Variants in LPCAT3 observed in about 807,000 individuals in gnomAD.
The protein encoded by LPCAT3 is lysophosphatidylcholine acyltransferase 3.
In LPCAT3, 21 loss-of-function variants were observed where a neutral mutation model predicts 63.4. That is an observed-to-expected ratio of 0.33 (90% CI 0.23 to 0.48). The LOEUF (loss-of-function observed/expected upper bound fraction) is 0.48. LPCAT3 is among the 20% of genes least tolerant of loss of function. The pLI, the probability that LPCAT3 is intolerant of heterozygous loss-of-function variation, is 0.99. For synonymous variants in LPCAT3, 242 were observed against 227.5 expected (o/e 1.06, Z -0.58); for missense variants, 451 against 590.6 (o/e 0.76, Z 2.45).
intron 1 of LPCAT3, among the ~76,000 whole-genome samples, chr12:7,010,838 T>A (rs1339473845): frequency 1.3e-5 from 2 of 151,862 alleles, no homozygotes; most frequent in Admixed American, 6.6e-5. Context: ...TTGGAAAAAA[T>A]ATATATATTT....
At chr12:7,014,892 C>CAAAAA (rs375839002) in intron 1 of LPCAT3, among the ~76,000 whole-genome samples, 1 of 57,616 alleles carries the variant, frequency 1.7e-5, no homozygotes, top group African/African-American at 5.9e-5. Flanking sequence ...GACTCCGTCT[C>CAAAAA]AAAAAAAAAA....
chr12:6,985,265 G>T (rs894164356), intron 1 of LPCAT3, among the ~76,000 whole-genome samples: 3 of 151,922 alleles, frequency 2.0e-5, no homozygotes, highest in African/African-American at 7.3e-5. Context: ...GTGTGGTGGC[G>T]GGCGCCTATA....
intron 4 of LPCAT3, 64 bp from the exon 5 acceptor site, chr12:6,981,696 A>G: frequency 1.9e-6 from 2 of 1,062,798 alleles, no homozygotes; most frequent in Admixed American, 3.7e-5. Context: ...TGGCCTGTAG[A>G]CTGAGTGCAG....
chr12:6,982,004 T>C, intron 3 of LPCAT3, 100 bp from the exon 4 acceptor site: 1 of 702,776 alleles, frequency 1.4e-6, no homozygotes, highest in Non-Finnish European at 2.5e-6. Context: ...CCTCATCCCA[T>C]CATTAAAAGC....
Position 6,976,365 on chromosome 12 carries a change from G to A in LPCAT3, c.*539C>T, listed in dbSNP as rs1372683725. 6.5e-6 allele frequency: 1 copy of A among 153,960 alleles called. No individual in the cohort carries two copies. Among genetic ancestry groups the A allele is most frequent in the Admixed American group, 6.5e-5 (1 of 15,462 alleles). 9.5% of individuals were successfully genotyped at this position (153,960 alleles called of 1,614,324 possible). On this transcript the variant is annotated 3_prime_UTR_variant, in exon 13 of 13. Coordinates refer to ENST00000261407, the MANE Select transcript of LPCAT3 (RefSeq NM_005768.6). ...CAATAGATTCCTGGCTAGATGGGGAGAGATAAGGCAATGTGCATGGGGGAA... is the reference window on the plus strand; with the variant it reads ...CAATAGATTCCTGGCTAGATGGGGAAAGATAAGGCAATGTGCATGGGGGAA...
intron 1 of LPCAT3, among the ~76,000 whole-genome samples, chr12:7,009,350 C>T (rs782220178): frequency 7.9e-5 from 12 of 152,204 alleles, no homozygotes; most frequent in Non-Finnish European, 1.5e-4. Context: ...CGTGAGCCAC[C>T]GCGCCTGGCC....
At position 7,018,241 on chromosome 12, in the gene LPCAT3, G is replaced by A. The variant is rs781801334; in HGVS notation, c.151+33C>T. On this transcript the variant is annotated intron_variant, in intron 1 of 12. Transcript: ENST00000261407. The surrounding 1 kb of genome is among the most constrained non-coding windows in gnomAD (Gnocchi z 4.9). ...TCCTCCCCTACTCCCCGGGGACTCC[G>A]CGAGGGGCGGAGGGAGGCAGGAGGG... 1.3e-6 allele frequency: 2 copies of A among 1,573,634 alleles called. No individual in the cohort carries two copies. The highest frequency in any genetic ancestry group is 3.8e-5 in the Admixed American group (2 of 53,242).
At chr12:7,011,191 A>G (rs1946761565) in intron 1 of LPCAT3, among the ~76,000 whole-genome samples, 1 of 152,004 alleles carries the variant, frequency 6.6e-6, no homozygotes, top group Non-Finnish European at 1.5e-5. Context: ...TATGCCACCC[A>G]GCCCAGTTAA....
chr12:6,986,795 C>CAAA (rs1157395768), intron 1 of LPCAT3, among the ~76,000 whole-genome samples: 18 of 33,900 alleles, frequency 5.3e-4, no homozygotes, highest in African/African-American at 1.2e-3. Context: ...GACTCTGTCT[C>CAAA]AAAAAAAAAA....
intron 1 of LPCAT3, among the ~76,000 whole-genome samples, chr12:6,998,556 A>G (rs1020347350): frequency 3.9e-5 from 6 of 152,244 alleles, no homozygotes; most frequent in Non-Finnish European, 7.3e-5. Flanking sequence ...GACACTGTCT[A>G]CTTAAGTGAT....
chr12:6,983,099 G>C (rs1555154358), intron 2 of LPCAT3: 1 of 510,708 alleles, frequency 2.0e-6, no homozygotes, highest in South Asian at 1.7e-5. Flanking sequence ...GCTTGTTACT[G>C]TATTTTTGAA....
intron 1 of LPCAT3, among the ~76,000 whole-genome samples, chr12:6,985,134 G>T (rs1004014876): frequency 2.6e-4 from 38 of 145,910 alleles, no homozygotes; most frequent in African/African-American, 9.1e-4. Context: ...GCTCATGCCT[G>T]TAATCCCAGC....
chr12:6,976,622 C>G lies in LPCAT3; in HGVS notation c.*282G>C, dbSNP rs1946405106. The G allele has an allele frequency of 6.5e-6, 1 of 153,274 alleles. No homozygotes were observed. The highest frequency in any genetic ancestry group is 1.5e-5 in the Non-Finnish European group (1 of 68,856). 9.5% of individuals were successfully genotyped at this position (153,274 alleles called of 1,614,324 possible). A position where few individuals can be genotyped will look rare whatever the true frequency, so the allele number is the denominator to read the frequency against. On this transcript the variant is annotated 3_prime_UTR_variant, in exon 13 of 13. Transcript: ENST00000261407. ...CCTGTATTCCCAGCTACTTGGGAGGCTGAGGCAGGAAAATCACTTGAACCC... is the reference window on the plus strand; with the variant it reads ...CCTGTATTCCCAGCTACTTGGGAGGGTGAGGCAGGAAAATCACTTGAACCC...
chr12:7,000,233 T>TA (rs1407503825), intron 1 of LPCAT3, among the ~76,000 whole-genome samples: 9 of 151,808 alleles, frequency 5.9e-5, no homozygotes, highest in Admixed American at 5.9e-4. Context: ...TTACATTCGT[T>TA]AAACCTCAAT....
At chr12:6,986,843 G>A (rs911038326) in intron 1 of LPCAT3, among the ~76,000 whole-genome samples, 43 of 151,320 alleles carry the variant, frequency 2.8e-4, no homozygotes, top group African/African-American at 1.0e-3. Flanking sequence ...GGCCGGGTGC[G>A]GCAGCTCACA....
chr12:6,996,225 A>G (rs957724731), intron 1 of LPCAT3, among the ~76,000 whole-genome samples: 1 of 152,202 alleles, frequency 6.6e-6, no homozygotes, highest in Admixed American at 6.5e-5. Flanking sequence ...GTGCCTTCAC[A>G]TGGTAAGTTC....
intron 9 of LPCAT3, chr12:6,978,012 ACT>A (rs1946428485): frequency 3.6e-6 from 2 of 559,882 alleles, no homozygotes; most frequent in African/African-American, 1.9e-5. Flanking sequence ...TGAACCAGAC[ACT>A]CTACTCAAGC....
chr12:6,977,882 G>T lies in LPCAT3; in HGVS notation c.1041-137C>A. 1 of 1,002,738 alleles carries T rather than the reference G, an allele frequency of 1.0e-6. No individual in the cohort carries two copies. Among genetic ancestry groups the T allele is most frequent in the Admixed American group, 2.2e-5 (1 of 46,176 alleles). The allele number at this position is 1,002,738 out of a possible 1,614,324, so 62.1% of individuals were successfully genotyped here. A position where few individuals can be genotyped will look rare whatever the true frequency, so the allele number is the denominator to read the frequency against. ...CGTGTAGCCCCCAGAGGGTACAGGA[G>T]GCAGTGCTGACTGATTACTTTTAGA... On this transcript the variant is annotated intron_variant, in intron 9 of 12. Transcript: ENST00000261407. This position sits in a 1 kb window ranked among gnomAD's most constrained non-coding sequence, Gnocchi z 4.5.
intron 1 of LPCAT3, among the ~76,000 whole-genome samples, chr12:7,000,652 A>G (rs922629222): frequency 2.0e-5 from 3 of 151,456 alleles, no homozygotes; most frequent in Non-Finnish European, 4.4e-5. Context: ...CCTTCAGGCC[A>G]CTTAAAATAC....
Sources: gnomAD v4.1 joint callset for allele counts (sites outside exome capture counted in the v4.1 genomes callset) on GRCh38, gnomAD v4.1.1 for gene constraint, Gnocchi (gnomAD v3.1) non-coding constraint, MANE v1.5 for transcripts, NCBI Gene and HGNC (gene_info 2026-07-23, HGNC 2026-07-21) for gene names.